SPATA13: variants seen among roughly 807,000 people sequenced by gnomAD.
The protein encoded by SPATA13 is spermatogenesis-associated protein 13.
In SPATA13, 50 loss-of-function variants were observed where a neutral mutation model predicts 104.0. That is an observed-to-expected ratio of 0.48 (90% CI 0.38 to 0.61). The LOEUF (loss-of-function observed/expected upper bound fraction) is 0.61, where lower values mean the gene tolerates loss of function less well. Ranked by LOEUF, SPATA13 falls within the 20% of genes least tolerant of loss-of-function variation. SPATA13 has a pLI of 0.00. For synonymous variants in SPATA13, 606 were observed against 667.5 expected (o/e 0.91, Z 1.42); for missense variants, 1,524 against 1,690.6 (o/e 0.90, Z 1.73).
In SPATA13 at chr13:24,278,897, C is replaced by T. The variant is rs967244875; in HGVS notation, c.2165-5238C>T. On this transcript the variant is annotated intron_variant, in intron 4 of 12. Transcript: ENST00000382108. The stretch of plus-strand genomic sequence containing the variant: ...CTTTCCTTCCTTCCTTCCTTCCTTC[C>T]TTCCTTCCTTCCTTCCTTCCTTCCT... 93 of 1,145,550 alleles carry T rather than the reference C, an allele frequency of 8.1e-5. No homozygotes were observed. In the African/African-American group the frequency reaches 1.3e-3, roughly 16 times the overall value. The allele number at this position is 1,145,550 out of a possible 1,614,324, so 71.0% of individuals were successfully genotyped here.
Position 24,031,360 on chromosome 13 carries a change from A to G in SPATA13, c.-112+13659A>G, listed in dbSNP as rs370038372. On this transcript the variant is annotated intron_variant, in intron 3 of 14. Coordinates refer to the SPATA13 transcript ENST00000424834. ...TGATCTGACTCTAGCACACCAATTC[A>G]TGCTAGCACATCTCCTAAGCCAGAC... 3.2e-4 allele frequency among the ~76,000 whole-genome samples: 49 copies of G among 152,218 alleles called. 1 individual carries two copies. The highest frequency in any genetic ancestry group is 1.1e-3 in the African/African-American group (44 of 41,454).
At chr13:24,020,770 G>A (rs765020764) in intron 3 of SPATA13, among the ~76,000 whole-genome samples, 9 of 152,178 alleles carry the variant, frequency 5.9e-5, no homozygotes, top group Non-Finnish European at 8.8e-5. Flanking sequence ...TGGGCCGGGC[G>A]AGATGACTCA....
At chr13:24,086,857 C>T (rs1879741944) in intron 3 of SPATA13, among the ~76,000 whole-genome samples, 1 of 152,226 alleles carries the variant, frequency 6.6e-6, no homozygotes. Context: ...CAGATGCCTC[C>T]CTCCAGGGTC....
chr13:24,045,608 A>G (rs1416280062), intron 3 of SPATA13, among the ~76,000 whole-genome samples: 3 of 152,268 alleles, frequency 2.0e-5, no homozygotes, highest in African/African-American at 7.2e-5. Context: ...CAGGCTCATG[A>G]CAAAGGGTCA....
chr13:24,146,910 TA>T, intron 3 of SPATA13, among the ~76,000 whole-genome samples: 2 of 151,894 alleles, frequency 1.3e-5, no homozygotes. Flanking sequence ...TCCAGTCTTT[TA>T]AAAAATCTCA....
intron 3 of SPATA13, 103 bp from the exon 4 acceptor site, chr13:24,251,615 A>C: frequency 2.6e-6 from 4 of 1,529,112 alleles, no homozygotes; most frequent in Non-Finnish European, 3.5e-6. Context: ...AAACCATTTC[A>C]CGTCTGTGAG....
intron 1 of SPATA13, among the ~76,000 whole-genome samples, chr13:23,982,067 G>A (rs145992917): frequency 6.6e-6 from 1 of 152,362 alleles, no homozygotes; most frequent in East Asian, 1.9e-4. Flanking sequence ...ATGTAAAGAT[G>A]TGTGTGTTTT....
chr13:24,265,788 C>T (rs1874271979), intron 4 of SPATA13, among the ~76,000 whole-genome samples: 1 of 152,040 alleles, frequency 6.6e-6, no homozygotes, highest in Admixed American at 6.6e-5. Context: ...GGTAATGGGG[C>T]CATATCAAAG....
intron 2 of SPATA13, among the ~76,000 whole-genome samples, chr13:24,013,178 T>G (rs532397277): frequency 1.6e-4 from 25 of 152,230 alleles, no homozygotes; most frequent in Non-Finnish European, 3.1e-4. Context: ...GGCTTAGAGC[T>G]CTTCCTGTCT....
intron 3 of SPATA13, among the ~76,000 whole-genome samples, chr13:24,065,985 G>C (rs1443266216): frequency 6.6e-6 from 1 of 152,210 alleles, no homozygotes; most frequent in Non-Finnish European, 1.5e-5. Flanking sequence ...CCTTTCTAGG[G>C]CTGTTGTAAA....
intron 4 of SPATA13, among the ~76,000 whole-genome samples, chr13:24,263,202 T>C (rs1226857912): frequency 6.6e-6 from 1 of 152,212 alleles, no homozygotes; most frequent in Non-Finnish European, 1.5e-5. Flanking sequence ...TGCTTCTGCA[T>C]TTTACTCAAA....
chr13:24,238,420 G>A (rs1175200096), intron 2 of SPATA13, among the ~76,000 whole-genome samples: 3 of 152,160 alleles, frequency 2.0e-5, no homozygotes, highest in Non-Finnish European at 4.4e-5. Context: ...GCCTCCCAGA[G>A]TGCTGGGATT....
chr13:24,210,131 T>C (rs1275388652), intron 1 of SPATA13, among the ~76,000 whole-genome samples: 1 of 152,196 alleles, frequency 6.6e-6, no homozygotes, highest in Non-Finnish European at 1.5e-5. Flanking sequence ...GAGGGCTTTG[T>C]TTGTTTTTGC....
intron 1 of SPATA13, among the ~76,000 whole-genome samples, chr13:24,171,024 C>G (rs532218433): frequency 1.3e-5 from 2 of 151,972 alleles, no homozygotes; most frequent in African/African-American, 4.8e-5. Context: ...GGAACACATT[C>G]CTCCATGCCC....
At chr13:24,211,970 C>T (rs1442208357) in intron 1 of SPATA13, among the ~76,000 whole-genome samples, 1 of 152,176 alleles carries the variant, frequency 6.6e-6, no homozygotes, top group Non-Finnish European at 1.5e-5. Context: ...CCCCACGTGG[C>T]TGGAGCTCTC....
chr13:24,103,544 A>G (rs73164064), intron 3 of SPATA13, among the ~76,000 whole-genome samples: 6,463 of 140,466 alleles, frequency 0.046, 268 homozygotes, highest in East Asian at 0.22. Flanking sequence ...GAGAGAGAGA[A>G]GAGAGAGAGA....
intron 3 of SPATA13, among the ~76,000 whole-genome samples, chr13:24,113,963 A>G (rs1399148416): frequency 5.3e-5 from 8 of 152,124 alleles, no homozygotes; most frequent in Non-Finnish European, 8.8e-5. Context: ...GCAGATTTGC[A>G]AAGTGTTCTC....
chr13:24,290,540 C>G, intron 8 of SPATA13, 112 bp from the exon 9 acceptor site: 1 of 794,012 alleles, frequency 1.3e-6, no homozygotes, highest in Non-Finnish European at 2.1e-6. Context: ...TTGCAGTAGT[C>G]CATCTTCCTC....
chr13:24,167,688 C>T (rs1281252124), intron 1 of SPATA13, among the ~76,000 whole-genome samples: 4 of 152,226 alleles, frequency 2.6e-5, no homozygotes, highest in African/African-American at 9.6e-5. Flanking sequence ...CACACACTCA[C>T]TCACTCACTC....
Sources: gnomAD v4.1 joint callset for allele counts (sites outside exome capture counted in the v4.1 genomes callset) on GRCh38, gnomAD v4.1.1 for gene constraint, MANE v1.5 for transcripts, NCBI Gene and HGNC (gene_info 2026-07-23, HGNC 2026-07-21) for gene names.